The following GFRA2 variants were observed in gnomAD, a reference collection of about 807,000 sequenced individuals.
GFRA2 encodes GDNF family receptor alpha 2, also known as GDNF family receptor alpha-2.
A neutral mutation model predicts 48.3 loss-of-function variants in GFRA2; 17 were observed. The observed-to-expected ratio is 0.35, with a 90% CI of 0.24 to 0.53. The LOEUF is 0.53. Ranked by LOEUF, GFRA2 falls within the 20% of genes least tolerant of loss-of-function variation. The pLI, the probability that GFRA2 is intolerant of heterozygous loss-of-function variation, is 0.93. For missense variants in GFRA2, 660 were observed against 637.3 expected, an observed-to-expected ratio of 1.04 and a Z score of -0.38; for synonymous variants, 305 against 257.2, an observed-to-expected ratio of 1.19 and a Z score of -1.78.
intron 8 of GFRA2, among the ~76,000 whole-genome samples, chr8:21,693,782 A>G (rs73217497): frequency 2.4e-5 from 3 of 125,614 alleles, no homozygotes; most frequent in African/African-American, 6.1e-5. Context: ...GAGAGGAAGG[A>G]GAGGGGAAGG....
intron 1 of GFRA2, among the ~76,000 whole-genome samples, chr8:21,810,342 G>C (rs1156839805): frequency 6.6e-6 from 1 of 152,160 alleles, no homozygotes; most frequent in East Asian, 1.9e-4. Flanking sequence ...GGGGAGGTCA[G>C]CCTCCTCCCT....
At chr8:21,774,514 G>C (rs1460948208) in intron 3 of GFRA2, among the ~76,000 whole-genome samples, 1 of 152,182 alleles carries the variant, frequency 6.6e-6, no homozygotes, top group Non-Finnish European at 1.5e-5. Context: ...GATGCGGCGT[G>C]CTGAGCACTT....
upstream of GFRA2, among the ~76,000 whole-genome samples, chr8:21,789,562 C>T (rs1315615538): frequency 6.6e-6 from 1 of 152,168 alleles, no homozygotes; most frequent in African/African-American, 2.4e-5. Flanking sequence ...GACAAAGCGT[C>T]TCCCCGATGG....
At chr8:21,694,555 G>A (rs1422181525) in intron 7 of GFRA2, 38 bp from the exon 8 acceptor site, 1 of 1,581,108 alleles carries the variant, frequency 6.3e-7, no homozygotes, top group Non-Finnish European at 8.6e-7. Flanking sequence ...CGAGTCACCA[G>A]GCTGTTCCTG....
chr8:21,771,343 C>G (rs1403349681), intron 3 of GFRA2, among the ~76,000 whole-genome samples: 1 of 152,224 alleles, frequency 6.6e-6, no homozygotes, highest in Admixed American at 6.5e-5. Flanking sequence ...ACAAAACTCA[C>G]TTCCTCTCCA....
rs577054160 is a variant in GFRA2, at chr8:21,745,185, G to A, written c.794+5403C>T. On this transcript the variant is annotated intron_variant, in intron 4 of 8. Coordinates refer to ENST00000524240, the MANE Select transcript of GFRA2 (RefSeq NM_001495.5). ...CCTGCCACGCAGTGTGCCACACGGC[G>A]AATCGATGTGCTTGCTTTCATGTGG... is the stretch of plus-strand genomic sequence containing the variant. Among the ~76,000 whole-genome samples the A allele has an allele frequency of 4.6e-5, 7 of 152,378 alleles. 1 individual carries two copies. In the South Asian group the frequency reaches 1.0e-3, roughly 23 times the overall value.
chr8:21,793,437 A>G (rs1807613026), upstream of GFRA2, among the ~76,000 whole-genome samples: 1 of 152,162 alleles, frequency 6.6e-6, no homozygotes, highest in Non-Finnish European at 1.5e-5. Flanking sequence ...ATGATGCTGG[A>G]ACACAGGGAG....
chr8:21,721,105 C>T (rs573549098), intron 4 of GFRA2, among the ~76,000 whole-genome samples: 23 of 152,162 alleles, frequency 1.5e-4, no homozygotes, highest in African/African-American at 5.3e-4. Flanking sequence ...CTCTAAGCAG[C>T]AGGAGATCTA....
At chr8:21,781,261 G>A in intron 2 of GFRA2, among the ~76,000 whole-genome samples, 1 of 152,112 alleles carries the variant, frequency 6.6e-6, no homozygotes, top group East Asian at 1.9e-4. Context: ...CTGAAGCACA[G>A]ATCTGATCAT....
At chr8:21,707,554 C>A (rs948083197) in intron 4 of GFRA2, among the ~76,000 whole-genome samples, 4 of 152,194 alleles carry the variant, frequency 2.6e-5, no homozygotes, top group African/African-American at 7.2e-5. Context: ...GAGGAGGAAA[C>A]CCTCCTGGGA....
chr8:21,769,187 C>T (rs1806322795), intron 3 of GFRA2: 1 of 984,792 alleles, frequency 1.0e-6, no homozygotes, highest in African/African-American at 1.7e-5. Flanking sequence ...CTCCGGAACA[C>T]ACAGAGCACT....
In GFRA2 at chr8:21,750,812, C is replaced by G. The variant is rs536103646; in HGVS notation, c.570G>C (p.Ser190=). Residue 190 remains serine, a synonymous_variant, in exon 4 of 9, where the codon TCG becomes TCC. Coordinates refer to ENST00000524240, the MANE Select transcript of GFRA2 (RefSeq NM_001495.5). This position sits in a 1 kb window ranked among gnomAD's most constrained non-coding sequence, Gnocchi z 5.7. ...TGCGGCGGTTGCAGCGCTCGGTGGG[C>G]GAGATCTCGCGGTTGCAGATGGAGA... The part of the protein sequence containing the change: ...SYISICNREI[S]PTERCNRRKC... 6.2e-7 allele frequency: 1 copy of G among 1,613,828 alleles called. No homozygotes were observed. The highest frequency in any genetic ancestry group is 8.5e-7 in the Non-Finnish European group (1 of 1,179,898).
At chr8:21,759,540 AGGAG>A (rs1563252268) in intron 3 of GFRA2, among the ~76,000 whole-genome samples, 10 of 145,544 alleles carry the variant, frequency 6.9e-5, no homozygotes, top group African/African-American at 2.0e-4. Context: ...GAAGGAAGGA[AGGAG>A]GGAAGGAAGG....
chr8:21,801,259 C>A (rs1366818500), intron 2 of GFRA2, among the ~76,000 whole-genome samples: 2 of 151,988 alleles, frequency 1.3e-5, no homozygotes, highest in Non-Finnish European at 2.9e-5. Flanking sequence ...TCTCATTTCT[C>A]AATGAGAGTC....
At chr8:21,798,892 C>T (rs781491921) in intron 2 of GFRA2, among the ~76,000 whole-genome samples, 3 of 152,200 alleles carry the variant, frequency 2.0e-5, no homozygotes, top group Non-Finnish European at 2.9e-5. Flanking sequence ...GCTCTTCTTG[C>T]ACTCTGTTGA....
intron 7 of GFRA2, among the ~76,000 whole-genome samples, chr8:21,702,362 A>G (rs1261747607): frequency 6.6e-6 from 1 of 152,184 alleles, no homozygotes; most frequent in Non-Finnish European, 1.5e-5. Context: ...GAACAGGCAC[A>G]TGCACTTCTG....
In GFRA2 at chr8:21,750,580, G is replaced by A. The variant is rs1488775340; in HGVS notation, c.794+8C>T. The A allele has an allele frequency of 1.3e-6, 2 of 1,555,466 alleles. No homozygotes were observed. Among genetic ancestry groups the A allele is most frequent in the Admixed American group, 1.8e-5 (1 of 54,630 alleles). Reference sequence around the variant, plus strand: ...TGCCAGCACCACCGGGGCTGCCGCGGCACTCACCGACACAGGTGGTCAGTC... The same window carrying A: ...TGCCAGCACCACCGGGGCTGCCGCGACACTCACCGACACAGGTGGTCAGTC... On this transcript the variant is annotated splice_region_variant and intron_variant, in intron 4 of 8. Coordinates refer to ENST00000524240, the MANE Select transcript of GFRA2 (RefSeq NM_001495.5). The surrounding 1 kb of genome is among the most constrained non-coding windows in gnomAD (Gnocchi z 5.7).
intron 4 of GFRA2, among the ~76,000 whole-genome samples, chr8:21,718,211 A>G (rs1371115984): frequency 6.6e-6 from 1 of 152,184 alleles, no homozygotes; most frequent in Non-Finnish European, 1.5e-5. Flanking sequence ...CGTGATAGTG[A>G]GTAAGTCTCA....
At chr8:21,695,249 G>C (rs546204467) in intron 7 of GFRA2, among the ~76,000 whole-genome samples, 16 of 152,196 alleles carry the variant, frequency 1.1e-4, no homozygotes, top group Non-Finnish European at 2.1e-4. Flanking sequence ...CGCACATGAT[G>C]AACGGCCCTC....
Sources: allele counts gnomAD v4.1 joint callset (sites outside exome capture counted in the v4.1 genomes callset), GRCh38; gene constraint gnomAD v4.1.1; non-coding constraint Gnocchi (gnomAD v3.1); transcripts MANE v1.5; gene names NCBI Gene and HGNC (gene_info 2026-07-23, HGNC 2026-07-21).